LRP1B: variants seen among roughly 807,000 people sequenced by gnomAD.
The protein encoded by LRP1B is low-density lipoprotein receptor-related protein 1B.
In LRP1B, 217 loss-of-function variants were observed where a neutral mutation model predicts 556.6. The observed-to-expected ratio is 0.39, with a 90% confidence interval of 0.35 to 0.44. The LOEUF is 0.44. LRP1B is among the 20% of genes least tolerant of loss of function. LRP1B has a pLI of 1.00. For missense variants in LRP1B, 5,053 were observed against 5,620.8 expected (o/e 0.90, Z 3.23); for synonymous variants, 2,047 against 1,865.8 (o/e 1.10, Z -2.50).
At chr2:140,580,974 G>A (rs898906724) in intron 43 of LRP1B, among the ~76,000 whole-genome samples, 1 of 152,160 alleles carries the variant, frequency 6.6e-6, no homozygotes, top group Non-Finnish European at 1.5e-5. Context: ...ACATGTTTAT[G>A]TCAGTCAGCA....
At chr2:142,017,363 T>C (rs1240238632) in intron 1 of LRP1B, among the ~76,000 whole-genome samples, 1 of 152,178 alleles carries the variant, frequency 6.6e-6, no homozygotes, top group African/African-American at 2.4e-5. Context: ...TGAATGTATT[T>C]ACGTAATATA....
chr2:142,039,327 C>T (rs931809082), intron 1 of LRP1B, among the ~76,000 whole-genome samples: 2 of 151,460 alleles, frequency 1.3e-5, no homozygotes, highest in East Asian at 3.9e-4. Flanking sequence ...AATAACTCAT[C>T]AAATCCTGTG....
intron 86 of LRP1B, among the ~76,000 whole-genome samples, chr2:140,265,100 C>CAA (rs36121516): frequency 3.3e-5 from 5 of 150,778 alleles, no homozygotes; most frequent in Admixed American, 6.6e-5. Context: ...TGTAAGTTTA[C>CAA]AAAAAAAACC....
At chr2:140,376,391 A>G (rs1303997412) in intron 68 of LRP1B, among the ~76,000 whole-genome samples, 1 of 152,204 alleles carries the variant, frequency 6.6e-6, no homozygotes, top group Non-Finnish European at 1.5e-5. Context: ...TGTTTTACAT[A>G]TTACCCAGAT....
In LRP1B at chr2:140,701,105, G is replaced by T. The variant is rs1420401086; in HGVS notation, c.6428-484C>A. Among the ~76,000 whole-genome samples the T allele has an allele frequency of 6.0e-5, 4 of 66,874 alleles. 1 individual carries two copies. The Admixed American group carries it at 6.3e-4, about 11-fold the overall frequency. The allele number at this position is 66,874 out of a possible 152,430, so 43.9% of individuals were successfully genotyped here. A position where few individuals can be genotyped will look rare whatever the true frequency, so the allele number is the denominator to read the frequency against. On this transcript the variant is annotated intron_variant, in intron 40 of 90. Transcript: ENST00000389484. Reference sequence around the variant, plus strand: ...CCAATTTTAAGTGAAGATAAAAAATGCACTTAAAATTTCTTCACCAGTCTA... The same window carrying T: ...CCAATTTTAAGTGAAGATAAAAAATTCACTTAAAATTTCTTCACCAGTCTA...
At chr2:140,924,037 C>T (rs910628149) in intron 20 of LRP1B, among the ~76,000 whole-genome samples, 2 of 151,646 alleles carry the variant, frequency 1.3e-5, no homozygotes, top group African/African-American at 4.8e-5. Context: ...ATTTTTAGAC[C>T]AAAGTTTTAA....
chr2:141,575,220 G>A (rs373000253), intron 2 of LRP1B, among the ~76,000 whole-genome samples: 3 of 152,136 alleles, frequency 2.0e-5, no homozygotes, highest in Non-Finnish European at 4.4e-5. Context: ...ATACTACAAG[G>A]CTACAGTAAC....
intron 6 of LRP1B, among the ~76,000 whole-genome samples, chr2:141,216,398 C>G (rs1294530967): frequency 6.6e-6 from 1 of 152,176 alleles, no homozygotes; most frequent in Admixed American, 6.5e-5. Flanking sequence ...CATGCAGAAG[C>G]CTGATGCAGA....
At chr2:140,598,861 T>C (rs768462453) in intron 42 of LRP1B, 26 bp from the exon 43 acceptor site, 10 of 1,438,906 alleles carry the variant, frequency 6.9e-6, no homozygotes, top group Admixed American at 6.9e-5. Flanking sequence ...ATTGTAACTA[T>C]AAATTAAACT....
rs1364248949 is a variant in LRP1B, at chr2:141,822,128, C to CAGAG, written c.83-11728_83-11727insCTCT. Among the ~76,000 whole-genome samples the CAGAG allele has an allele frequency of 2.4e-3, 276 of 117,136 alleles. 2 individuals carry two copies. Among genetic ancestry groups the CAGAG allele is most frequent in the Middle Eastern group, 0.014 (3 of 208 alleles). 76.8% of individuals were successfully genotyped at this position (117,136 alleles called of 152,430 possible). On this transcript the variant is annotated intron_variant, in intron 1 of 90. Transcript: ENST00000389484. ...ACACACACACACACACACACACACACACAGAGAGAGAGAGAGAGAGAGAGA... is the reference window on the plus strand; with the variant it reads ...ACACACACACACACACACACACACACAGAGACAGAGAGAGAGAGAGAGAGAGAGA...
intron 2 of LRP1B, among the ~76,000 whole-genome samples, chr2:141,526,142 C>T (rs1364067544): frequency 6.6e-6 from 1 of 151,920 alleles, no homozygotes; most frequent in Non-Finnish European, 1.5e-5. Flanking sequence ...ATACTGTCTC[C>T]TTAGGTTACA....
At chr2:140,939,351 A>G (rs1411851291) in intron 20 of LRP1B, among the ~76,000 whole-genome samples, 2 of 151,802 alleles carry the variant, frequency 1.3e-5, no homozygotes, top group Non-Finnish European at 2.9e-5. Context: ...GAAGTTTCCA[A>G]AGCAGAAGCA....
At chr2:140,991,064 G>C (rs1209332762) in intron 16 of LRP1B, among the ~76,000 whole-genome samples, 3 of 151,990 alleles carry the variant, frequency 2.0e-5, no homozygotes, top group Non-Finnish European at 4.4e-5. Context: ...CAAAAAAATA[G>C]GGAGAAAAGC....
At chr2:141,797,808 A>C (rs532030358) in intron 2 of LRP1B, among the ~76,000 whole-genome samples, 3 of 152,216 alleles carry the variant, frequency 2.0e-5, no homozygotes, top group Admixed American at 1.3e-4. Context: ...AACTTACGGC[A>C]TATTATTGGG....
chr2:141,093,409 T>A lies in LRP1B; in HGVS notation c.1014-31136A>T, dbSNP rs534339821. On this transcript the variant is annotated intron_variant, in intron 7 of 90. Transcript: ENST00000389484. ...ATTGAGAAGGAATGGTGTAAAATAG[T>A]ATAGCGTAGAAGGAATAACAGATTG... 1.7e-4 allele frequency among the ~76,000 whole-genome samples: 26 copies of A among 152,272 alleles called. No individual in the cohort carries two copies. In the South Asian group the frequency reaches 1.9e-3, roughly 11 times the overall value.
intron 23 of LRP1B, among the ~76,000 whole-genome samples, chr2:140,892,721 T>C (rs1693834301): frequency 6.6e-6 from 1 of 152,086 alleles, no homozygotes. Flanking sequence ...TGTATGTCTA[T>C]GGAATTATCA....
At chr2:141,520,809 T>C (rs1020014597) in intron 2 of LRP1B, among the ~76,000 whole-genome samples, 2 of 152,148 alleles carry the variant, frequency 1.3e-5, no homozygotes, top group African/African-American at 4.8e-5. Context: ...CTTTTTCTTT[T>C]AATTTTTTCC....
At chr2:140,952,785 T>G (rs1403291502) in intron 18 of LRP1B, among the ~76,000 whole-genome samples, 1 of 152,156 alleles carries the variant, frequency 6.6e-6, no homozygotes, top group African/African-American at 2.4e-5. Flanking sequence ...GAGAAAAATA[T>G]AATTGCTGAA....
chr2:141,229,556 T>A, intron 5 of LRP1B, 116 bp from the exon 6 acceptor site: 1 of 809,604 alleles, frequency 1.2e-6, no homozygotes, highest in African/African-American at 1.8e-5. Context: ...TAACAAAAAT[T>A]TTCTTATAAA....
Sources: allele counts gnomAD v4.1 joint callset (sites outside exome capture counted in the v4.1 genomes callset), GRCh38; gene constraint gnomAD v4.1.1; transcripts MANE v1.5; gene names NCBI Gene and HGNC (gene_info 2026-07-23, HGNC 2026-07-21).